Variants in ENPP6 observed in about 807,000 individuals in gnomAD.
The protein encoded by ENPP6 is ectonucleotide pyrophosphatase/phosphodiesterase 6.
A neutral mutation model predicts 42.0 loss-of-function variants in ENPP6; 32 were observed. The ratio of observed to expected loss-of-function variants is 0.76; its 90% CI spans 0.58 to 1.02. The LOEUF is 1.02. Among genes scored for constraint, ENPP6 ranks in the 50% least tolerant of loss-of-function variants. The pLI, the probability that ENPP6 is intolerant of heterozygous loss-of-function variation, is 0.00. For missense variants in ENPP6, 552 were observed against 566.8 expected, an observed-to-expected ratio of 0.97 and a Z score of 0.27; for synonymous variants, 213 against 216.0, an observed-to-expected ratio of 0.99 and a Z score of 0.12.
intron 1 of ENPP6, among the ~76,000 whole-genome samples, chr4:184,161,128 T>A (rs1737250645): frequency 1.3e-5 from 2 of 151,628 alleles, no homozygotes; most frequent in South Asian, 4.2e-4. Flanking sequence ...TGGGAGAAAA[T>A]CTTCTCAATC....
At chr4:184,142,621 G>A (rs1736842505) in intron 2 of ENPP6, among the ~76,000 whole-genome samples, 1 of 152,206 alleles carries the variant, frequency 6.6e-6, no homozygotes, top group Admixed American at 6.5e-5. Context: ...GCAAGCTGAG[G>A]AAGACAAATT....
chr4:184,189,717 G>A (rs550588081), intron 1 of ENPP6, among the ~76,000 whole-genome samples: 1 of 152,286 alleles, frequency 6.6e-6, no homozygotes, highest in Non-Finnish European at 1.5e-5. Flanking sequence ...TTAAAGAAAA[G>A]CAACTTGAAC....
chr4:184,185,553 C>G (rs1299809082), intron 1 of ENPP6, among the ~76,000 whole-genome samples: 1 of 152,184 alleles, frequency 6.6e-6, no homozygotes, highest in Non-Finnish European at 1.5e-5. Context: ...TCTCATCACC[C>G]TCTTTAACCT....
intron 5 of ENPP6, among the ~76,000 whole-genome samples, chr4:184,113,896 TTCTTTTCTTTCTTTC>T (rs1235673433): frequency 2.7e-5 from 4 of 149,444 alleles, no homozygotes; most frequent in African/African-American, 1.0e-4. Context: ...CTTCCTTTCT[TTCTTTTCTTTCTTTC>T]TTTCTTTCTT....
At chr4:184,193,969 C>G (rs913203273) in intron 1 of ENPP6, among the ~76,000 whole-genome samples, 3 of 152,150 alleles carry the variant, frequency 2.0e-5, no homozygotes, top group African/African-American at 7.2e-5. Flanking sequence ...ATTGCTTTGG[C>G]CTTGCTGAGA....
chr4:184,169,213 G>A (rs983525759), intron 1 of ENPP6, among the ~76,000 whole-genome samples: 1 of 152,188 alleles, frequency 6.6e-6, no homozygotes, highest in Non-Finnish European at 1.5e-5. Flanking sequence ...AGGGCAAAGT[G>A]TGGCATCCAG....
At chr4:184,100,724 G>A (rs1735986636) in intron 6 of ENPP6, among the ~76,000 whole-genome samples, 2 of 152,334 alleles carry the variant, frequency 1.3e-5, no homozygotes, top group South Asian at 4.1e-4. Flanking sequence ...TGCAGGCAGA[G>A]AAGGAGTGGG....
At chr4:184,206,326 C>T (rs2310002) in intron 1 of ENPP6, among the ~76,000 whole-genome samples, 28,673 of 102,702 alleles carry the variant, frequency 0.28, 5,279 homozygotes, top group East Asian at 0.66. Context: ...GGCGCGATCT[C>T]GGCTCACTGC....
intron 1 of ENPP6, among the ~76,000 whole-genome samples, chr4:184,208,593 C>A (rs562473634): frequency 2.0e-5 from 3 of 151,540 alleles, no homozygotes; most frequent in Non-Finnish European, 4.4e-5. Flanking sequence ...GGTCCTACGC[C>A]CACGGAGTCT....
At chr4:184,137,211 C>T (rs1197117388) in intron 2 of ENPP6, among the ~76,000 whole-genome samples, 1 of 152,214 alleles carries the variant, frequency 6.6e-6, no homozygotes, top group Non-Finnish European at 1.5e-5. Flanking sequence ...ATTCTCCTGC[C>T]TCAGCCTCCT....
intron 2 of ENPP6, among the ~76,000 whole-genome samples, chr4:184,144,147 A>T (rs760678009): frequency 3.3e-5 from 5 of 152,336 alleles, no homozygotes; most frequent in Non-Finnish European, 5.9e-5. Context: ...AAGGCGTATG[A>T]TGCGGAAAGG....
chr4:184,208,630 G>C (rs1415633832), intron 1 of ENPP6, among the ~76,000 whole-genome samples: 2 of 150,090 alleles, frequency 1.3e-5, no homozygotes, highest in Admixed American at 1.3e-4. Flanking sequence ...AGCGGTCTGA[G>C]ATCAAACTGC....
At chr4:184,099,504 G>T (rs1560977344) in intron 6 of ENPP6, among the ~76,000 whole-genome samples, 1 of 152,212 alleles carries the variant, frequency 6.6e-6, no homozygotes, top group African/African-American at 2.4e-5. Context: ...CAACGGTCTG[G>T]TCCGCAGATG....
chr4:184,112,855 T>C (rs1372416054), intron 5 of ENPP6, 46 bp from the exon 6 acceptor site: 3 of 1,550,128 alleles, frequency 1.9e-6, no homozygotes, highest in Non-Finnish European at 2.6e-6. Flanking sequence ...CTCTTAAATA[T>C]GTGTGAATAT....
intron 6 of ENPP6, among the ~76,000 whole-genome samples, chr4:184,100,831 G>A (rs543719469): frequency 1.4e-4 from 22 of 152,356 alleles, no homozygotes; most frequent in African/African-American, 4.8e-4. Context: ...TCAGTTCTAC[G>A]GATGTGGACT....
At chr4:184,105,345 T>G (rs1294676880) in intron 6 of ENPP6, among the ~76,000 whole-genome samples, 1 of 152,110 alleles carries the variant, frequency 6.6e-6, no homozygotes, top group Non-Finnish European at 1.5e-5. Context: ...TCTGCAAGTG[T>G]GAAGGAGCCA....
chr4:184,116,023 G>C (rs1466682379), intron 5 of ENPP6, among the ~76,000 whole-genome samples: 1 of 151,726 alleles, frequency 6.6e-6, no homozygotes, highest in Non-Finnish European at 1.5e-5. Flanking sequence ...AGACCATCCT[G>C]GTTAACATGG....
rs188106290 is a variant in ENPP6 at position 184,100,376 on chromosome 4, C to T, written c.994-3008G>A. 3.9e-5 allele frequency among the ~76,000 whole-genome samples: 6 copies of T among 152,334 alleles called. No homozygotes were observed. The East Asian group carries it at 1.2e-3, about 29-fold the overall frequency. ...AAGAAGGGCCCGCCACACACCTCTC[C>T]ACCTCCACAGTGGGAATGTCCATCT... On this transcript the variant is annotated intron_variant, in intron 6 of 7. Coordinates refer to ENST00000296741, the MANE Select transcript of ENPP6 (RefSeq NM_153343.4).
At chr4:184,147,609 G>A (rs1022661037) in intron 2 of ENPP6, among the ~76,000 whole-genome samples, 1 of 151,464 alleles carries the variant, frequency 6.6e-6, no homozygotes, top group African/African-American at 2.4e-5. Context: ...GTAAACCCCC[G>A]CCACCCCCGA....
Sources: allele counts gnomAD v4.1 joint callset (sites outside exome capture counted in the v4.1 genomes callset), GRCh38; gene constraint gnomAD v4.1.1; transcripts MANE v1.5; gene names NCBI Gene and HGNC (gene_info 2026-07-23, HGNC 2026-07-21).